ELMO1: variants seen among roughly 807,000 people sequenced by gnomAD.
The protein encoded by ELMO1 is engulfment and cell motility protein 1.
ELMO1 carries 26 observed loss-of-function variants against 98.9 expected under a neutral mutation model. The ratio of observed to expected loss-of-function variants is 0.26; its 90% CI spans 0.19 to 0.36. The LOEUF is 0.36. Among genes scored for constraint, ELMO1 ranks in the 10% least tolerant of loss-of-function variants. The pLI, the probability that ELMO1 is intolerant of heterozygous loss-of-function variation, is 1.00. For missense variants in ELMO1, 627 were observed against 935.2 expected, an observed-to-expected ratio of 0.67 and a Z score of 4.30; for synonymous variants, 346 against 346.0, an observed-to-expected ratio of 1.00 and a Z score of 0.00.
intron 1 of ELMO1, among the ~76,000 whole-genome samples, chr7:37,377,883 C>T (rs1802418443): frequency 1.3e-5 from 2 of 152,144 alleles, no homozygotes; most frequent in African/African-American, 4.8e-5. Flanking sequence ...CTGCACTACT[C>T]TTATTTGTTA....
At chr7:37,397,316 A>T (rs1803337905) in intron 1 of ELMO1, among the ~76,000 whole-genome samples, 1 of 152,254 alleles carries the variant, frequency 6.6e-6, no homozygotes, top group African/African-American at 2.4e-5. Flanking sequence ...TCATGCTCAA[A>T]AGAGAAATAT....
intron 15 of ELMO1, among the ~76,000 whole-genome samples, chr7:37,026,039 G>C (rs1424506903): frequency 2.0e-5 from 3 of 151,928 alleles, no homozygotes; most frequent in African/African-American, 7.3e-5. Flanking sequence ...TTCAAGGCAG[G>C]GCAAAGGAAA....
At chr7:37,172,308 T>A (rs1204300062) in intron 13 of ELMO1, among the ~76,000 whole-genome samples, 9 of 147,092 alleles carry the variant, frequency 6.1e-5, no homozygotes, top group Non-Finnish European at 9.0e-5. Context: ...GTGCTTACAT[T>A]AAAAAAAAAA....
intron 1 of ELMO1, chr7:37,343,225 A>G (rs1245779850): frequency 6.5e-6 from 1 of 154,116 alleles, no homozygotes; most frequent in African/African-American, 2.4e-5. Flanking sequence ...TCACAAACAG[A>G]TCTCCACACT....
intron 16 of ELMO1, among the ~76,000 whole-genome samples, chr7:36,970,791 T>C (rs1200808545): frequency 1.3e-5 from 2 of 152,216 alleles, no homozygotes; most frequent in Non-Finnish European, 2.9e-5. Flanking sequence ...GGTTGTGCAA[T>C]GTCAGAGCTG....
chr7:37,224,077 T>C (rs958855456), intron 9 of ELMO1, among the ~76,000 whole-genome samples: 1 of 152,220 alleles, frequency 6.6e-6, no homozygotes, highest in Non-Finnish European at 1.5e-5. Flanking sequence ...TTTCTCTCCT[T>C]CTCAAGGCTT....
chr7:37,336,189 G>A (rs1319475361), intron 2 of ELMO1, among the ~76,000 whole-genome samples: 1 of 151,592 alleles, frequency 6.6e-6, no homozygotes, highest in East Asian at 1.9e-4. Flanking sequence ...TTGAGCCTTT[G>A]TACTCCAGCC....
intron 8 of ELMO1, 27 bp from the exon 9 acceptor site, chr7:37,225,057 A>T (rs1258990422): frequency 2.5e-6 from 4 of 1,613,660 alleles, no homozygotes; most frequent in Non-Finnish European, 3.4e-6. Flanking sequence ...GACACAATTG[A>T]CTGCTCGTGG....
rs547584133 is a variant in ELMO1 at position 37,154,549 on chromosome 7, C to T, written c.1087-21315G>A. Among the ~76,000 whole-genome samples, 27 of 152,060 alleles carry T rather than the reference C, an allele frequency of 1.8e-4. No individual in the cohort carries two copies. The South Asian group carries it at 2.1e-3, about 12-fold the overall frequency. On this transcript the variant is annotated intron_variant, in intron 13 of 21. Coordinates refer to ENST00000310758, the MANE Select transcript of ELMO1 (RefSeq NM_014800.11). The stretch of plus-strand genomic sequence containing the variant: ...AGCTTCAATAGCCGATTTGATCAAG[C>T]GCAAGAAAGGATATCAGTGATTGAA...
chr7:36,989,247 G>A (rs923936500), intron 16 of ELMO1, among the ~76,000 whole-genome samples: 3 of 152,140 alleles, frequency 2.0e-5, no homozygotes, highest in Non-Finnish European at 4.4e-5. Flanking sequence ...AGGAGGTTAA[G>A]CAACTTGACT....
chr7:36,911,746 A>T (rs149704572), intron 16 of ELMO1, among the ~76,000 whole-genome samples: 3 of 152,284 alleles, frequency 2.0e-5, no homozygotes, highest in African/African-American at 7.2e-5. Flanking sequence ...AGTCATGCTG[A>T]TATCTCTCAA....
intron 15 of ELMO1, among the ~76,000 whole-genome samples, chr7:37,091,028 C>T (rs1473217791): frequency 1.3e-5 from 2 of 152,108 alleles, no homozygotes; most frequent in Non-Finnish European, 2.9e-5. Flanking sequence ...AAGGTTCTAC[C>T]TATTCAAAAG....
At chr7:36,943,497 T>C (rs1275499856) in intron 16 of ELMO1, among the ~76,000 whole-genome samples, 1 of 152,198 alleles carries the variant, frequency 6.6e-6, no homozygotes, top group African/African-American at 2.4e-5. Context: ...TGATCACCAA[T>C]TTCATTCATA....
chr7:37,130,654 CA>C (rs1426138860), intron 14 of ELMO1, among the ~76,000 whole-genome samples: 2 of 151,930 alleles, frequency 1.3e-5, no homozygotes, highest in Non-Finnish European at 2.9e-5. Context: ...GAACACAGGG[CA>C]AAAAACAACT....
At chr7:37,073,046 C>T (rs1797367269) in intron 15 of ELMO1, among the ~76,000 whole-genome samples, 1 of 152,158 alleles carries the variant, frequency 6.6e-6, no homozygotes, top group Non-Finnish European at 1.5e-5. Context: ...TACATACATG[C>T]CCACTGACTA....
At chr7:37,182,789 G>C (rs555173689) in intron 13 of ELMO1, among the ~76,000 whole-genome samples, 1 of 152,218 alleles carries the variant, frequency 6.6e-6, no homozygotes, top group African/African-American at 2.4e-5. Flanking sequence ...CTTAACCTCA[G>C]TATAGTATTT....
intron 6 of ELMO1, among the ~76,000 whole-genome samples, chr7:37,250,028 A>G: frequency 6.6e-6 from 1 of 152,148 alleles, no homozygotes; most frequent in East Asian, 1.9e-4. Context: ...GCAGTGAGCT[A>G]TGATTGTGCC....
chr7:37,028,490 T>C (rs1003608467), intron 15 of ELMO1, among the ~76,000 whole-genome samples: 14 of 152,202 alleles, frequency 9.2e-5, no homozygotes. Flanking sequence ...AGAAATTTTA[T>C]TGTTTTAATA....
chr7:37,350,811 C>G (rs1801228452), intron 1 of ELMO1, among the ~76,000 whole-genome samples: 1 of 152,150 alleles, frequency 6.6e-6, no homozygotes, highest in Admixed American at 6.5e-5. Context: ...TGTCTATTAT[C>G]CTTTTAAGAG....
Sources: allele counts gnomAD v4.1 joint callset (sites outside exome capture counted in the v4.1 genomes callset), GRCh38; gene constraint gnomAD v4.1.1; transcripts MANE v1.5; gene names NCBI Gene and HGNC (gene_info 2026-07-23, HGNC 2026-07-21).